COL4A5: variants seen among roughly 807,000 people sequenced by gnomAD.
COL4A5 encodes the protein collagen alpha-5(IV) chain.
A neutral mutation model predicts 130.2 loss-of-function variants in COL4A5; 26 were observed. The observed-to-expected ratio is 0.20, with a 90% confidence interval of 0.15 to 0.28. COL4A5 has a LOEUF of 0.28. Among genes scored for constraint, COL4A5 ranks in the 10% least tolerant of loss-of-function variants. The probability of loss-of-function intolerance (pLI) is 1.00; values close to 1 mark genes in which losing one functional copy is unlikely to be tolerated. For missense variants in COL4A5, 1,131 were observed against 1,344.3 expected (o/e 0.84, Z 2.48); for synonymous variants, 496 against 439.6 (o/e 1.13, Z -1.60).
chrX:108,458,781 C>T (rs902355075), intron 1 of COL4A5, among the ~76,000 whole-genome samples: 2 of 111,378 alleles, frequency 1.8e-5, no homozygotes, highest in African/African-American at 6.5e-5. Flanking sequence ...GAGATAGAGA[C>T]CATCCTGGCT....
At position 108,615,029 on chromosome X, in the gene COL4A5, G is replaced by T; in HGVS notation, c.2509+5G>T. The T allele has an allele frequency of 2.6e-6, 3 of 1,135,176 alleles. No individual in the cohort carries two copies. Among genetic ancestry groups the T allele is most frequent in the Non-Finnish European group, 3.6e-6 (3 of 826,103 alleles). The allele number at this position is 1,135,176 out of a possible 1,213,427, so 93.6% of individuals were successfully genotyped here. A position where few individuals can be genotyped will look rare whatever the true frequency, so the allele number is the denominator to read the frequency against. On this transcript the variant is annotated splice_donor_5th_base_variant and intron_variant, in intron 30 of 52. Transcript: ENST00000328300. ...CTGGGCCAATAGGTCAACCTGGTAA[G>T]ATTAGAGTAAATGTGCATTTTGTAG...
chrX:108,533,398 T>G lies in COL4A5; in HGVS notation c.82-6348T>G, dbSNP rs780003488. On this transcript the variant is annotated intron_variant, in intron 1 of 52. Transcript: ENST00000328300. ...ATTAACTCAGGATGGATTAAAGACT[T>G]AAATCTTCTTTTGCACAGGAAAAGA... Among the ~76,000 whole-genome samples the G allele has an allele frequency of 2.2e-4, 24 of 111,479 alleles. No homozygotes were observed. The East Asian group carries it at 6.5e-3, about 30-fold the overall frequency.
At chrX:108,570,550 C>A (rs1029503499) in intron 6 of COL4A5, among the ~76,000 whole-genome samples, 1 of 111,972 alleles carries the variant, frequency 8.9e-6, no homozygotes, top group Non-Finnish European at 1.9e-5. Context: ...GAATGCTTTT[C>A]TTATATTTCT....
At chrX:108,613,676 G>A (rs1418517104) in intron 29 of COL4A5, among the ~76,000 whole-genome samples, 3 of 111,650 alleles carry the variant, frequency 2.7e-5, no homozygotes, top group Non-Finnish European at 5.7e-5. Flanking sequence ...ATAAGCACAT[G>A]TAAAGATGCT....
At chrX:108,646,530 T>A (rs190505144) in intron 36 of COL4A5, among the ~76,000 whole-genome samples, 1 of 110,612 alleles carries the variant, frequency 9.0e-6, no homozygotes, top group African/African-American at 3.4e-5. Flanking sequence ...TTCTGTAGGT[T>A]GCCTGTTCAC....
intron 16 of COL4A5, 79 bp downstream of exon 16, chrX:108,581,106 G>A: frequency 4.7e-6 from 4 of 859,412 alleles, no homozygotes; most frequent in Admixed American, 2.2e-5. Flanking sequence ...CAGAGAAGCA[G>A]TATGACAAAA....
chrX:108,489,134 G>A (rs1464200895), intron 1 of COL4A5, among the ~76,000 whole-genome samples: 1 of 111,717 alleles, frequency 9.0e-6, no homozygotes, highest in Non-Finnish European at 1.9e-5. Flanking sequence ...TTAAATTATG[G>A]TCTGTTTACA....
chrX:108,630,534 C>T (rs953949075), intron 36 of COL4A5, among the ~76,000 whole-genome samples: 2 of 111,809 alleles, frequency 1.8e-5, no homozygotes, highest in Admixed American at 1.9e-4. Context: ...TGTTTAAGTT[C>T]TTTGTAGATT....
At chrX:108,549,073 T>C (rs1055812455) in intron 2 of COL4A5, among the ~76,000 whole-genome samples, 2 of 111,729 alleles carry the variant, frequency 1.8e-5, no homozygotes, top group East Asian at 2.8e-4. Context: ...CGGGTAAATA[T>C]AAGAGGATTA....
chrX:108,589,342 T>C (rs2066393430), intron 19 of COL4A5, among the ~76,000 whole-genome samples: 1 of 110,461 alleles, frequency 9.1e-6, no homozygotes, highest in African/African-American at 3.3e-5. Flanking sequence ...TGACTAAAAG[T>C]CTCATATATA....
At chrX:108,519,123 T>C (rs369690454) in intron 1 of COL4A5, among the ~76,000 whole-genome samples, 3 of 111,322 alleles carry the variant, frequency 2.7e-5, no homozygotes, top group East Asian at 2.8e-4. Flanking sequence ...ATAACAAGAT[T>C]TGTTTATGGA....
At chrX:108,672,541 T>G (rs1022984950) in intron 42 of COL4A5, among the ~76,000 whole-genome samples, 1 of 112,107 alleles carries the variant, frequency 8.9e-6, no homozygotes, top group African/African-American at 3.2e-5. Context: ...CTTTAGTAAT[T>G]ACTACTTATG....
intron 44 of COL4A5, 27 bp from the exon 45 acceptor site, chrX:108,680,652 G>C: frequency 8.4e-7 from 1 of 1,187,398 alleles, no homozygotes; most frequent in Non-Finnish European, 1.1e-6. Context: ...CAATTTTTTT[G>C]TAACATTAAT....
chrX:108,671,989 G>A (rs1305327659), intron 42 of COL4A5, among the ~76,000 whole-genome samples: 1 of 111,701 alleles, frequency 9.0e-6, no homozygotes, highest in Non-Finnish European at 1.9e-5. Context: ...AATACTGTTA[G>A]TTAGTGGCAT....
intron 1 of COL4A5, among the ~76,000 whole-genome samples, chrX:108,488,043 T>C (rs2064963594): frequency 8.9e-6 from 1 of 112,563 alleles, no homozygotes; most frequent in Non-Finnish European, 1.9e-5. Flanking sequence ...AGGTAACACA[T>C]TCATGTGGTT....
Position 108,695,297 on chromosome X carries a change from C to A in COL4A5, c.4852C>A (p.Gln1618Lys). 8.3e-7 allele frequency: 1 copy of A among 1,211,404 alleles called. No individual in the cohort carries two copies. Among genetic ancestry groups the A allele is most frequent in the South Asian group, 1.8e-5 (1 of 56,955 alleles). ...AAGTGCAGGGGCAGAAGGCTCAGGTCAAGCCCTAGCCTCCCCTGGTTCCTG... is the reference window on the plus strand; with the variant it reads ...AAGTGCAGGGGCAGAAGGCTCAGGTAAAGCCCTAGCCTCCCCTGGTTCCTG... ...HTSAGAEGSG[Q>K]ALASPGSCLE... The change falls in exon 52 of 53, where the codon CAA becomes AAA. Residue 1618 changes from glutamine (Q) to lysine (K), a missense_variant. Transcript: ENST00000328300.
intron 1 of COL4A5, among the ~76,000 whole-genome samples, chrX:108,460,636 C>G (rs1233332723): frequency 2.0e-5 from 2 of 102,490 alleles, no homozygotes; most frequent in South Asian, 4.7e-4. Flanking sequence ...ATTACAGATG[C>G]CTGCCACCAC....
At position 108,575,682 on chromosome X, in the gene COL4A5, C is replaced by T. The variant is rs200148285; in HGVS notation, c.547-228C>T. ...TGAAACCCCGTCTCTACTAAAAATA[C>T]GATAATTAGCCGGACCTGGTGGCAG... On this transcript the variant is annotated intron_variant, in intron 9 of 52. Transcript: ENST00000328300. Among the ~76,000 whole-genome samples, 63 of 111,499 alleles carry T rather than the reference C, an allele frequency of 5.7e-4. No homozygotes were observed. The East Asian group carries it at 0.013, about 23-fold the overall frequency.
intron 1 of COL4A5, among the ~76,000 whole-genome samples, chrX:108,498,455 A>G (rs2065052094): frequency 1.8e-5 from 2 of 111,033 alleles, no homozygotes; most frequent in Non-Finnish European, 3.8e-5. Context: ...CCTCTTTTCA[A>G]TATTATTTTG....
Sources: allele counts gnomAD v4.1 joint callset (sites outside exome capture counted in the v4.1 genomes callset), GRCh38; gene constraint gnomAD v4.1.1; transcripts MANE v1.5; gene names NCBI Gene and HGNC (gene_info 2026-07-23, HGNC 2026-07-21).